The following UBE2H variants were observed in gnomAD, a reference collection of about 807,000 sequenced individuals.
UBE2H encodes ubiquitin-conjugating enzyme E2 H.
Under a neutral mutation model 29.0 loss-of-function variants are expected in UBE2H, and 3 were observed. That is an observed-to-expected ratio of 0.10 (90% confidence interval 0.05 to 0.27). The LOEUF (loss-of-function observed/expected upper bound fraction) is 0.27, where lower values mean the gene tolerates loss of function less well. Among genes scored for constraint, UBE2H ranks in the 10% least tolerant of loss-of-function variants. The pLI is 1.00. For missense variants in UBE2H, 68 were observed against 228.2 expected (o/e 0.30, Z 4.52); for synonymous variants, 69 against 82.9 (o/e 0.83, Z 0.91).
At chr7:129,847,478 C>T (rs1337258173) in intron 5 of UBE2H, among the ~76,000 whole-genome samples, 1 of 152,082 alleles carries the variant, frequency 6.6e-6, no homozygotes, top group Non-Finnish European at 1.5e-5. Context: ...ACAACTACTA[C>T]ACTCCAGCCT....
chr7:129,914,533 C>T (rs2693743), intron 1 of UBE2H, among the ~76,000 whole-genome samples: 146,513 of 152,302 alleles, frequency 0.96, 70,641 homozygotes, highest in East Asian at 1. Context: ...AATAAAAAGA[C>T]CTTTGTAAAT....
chr7:129,949,994 A>G (rs1390681703), intron 1 of UBE2H, among the ~76,000 whole-genome samples: 2 of 152,034 alleles, frequency 1.3e-5, no homozygotes, highest in African/African-American at 4.8e-5. Flanking sequence ...TTTTCACACA[A>G]TTGTACTCAT....
At chr7:129,932,979 A>G (rs1807440899) in intron 1 of UBE2H, among the ~76,000 whole-genome samples, 1 of 152,138 alleles carries the variant, frequency 6.6e-6, no homozygotes, top group Non-Finnish European at 1.5e-5. Flanking sequence ...AAAAACCTAA[A>G]GAGTAAAATT....
At chr7:129,863,304 G>C (rs1367830364) in intron 3 of UBE2H, among the ~76,000 whole-genome samples, 2 of 152,182 alleles carry the variant, frequency 1.3e-5, no homozygotes, top group African/African-American at 4.8e-5. Context: ...CTAGTACAGA[G>C]GGCAGAATCA....
chr7:129,897,756 T>C (rs538050726), intron 1 of UBE2H, among the ~76,000 whole-genome samples: 6 of 152,322 alleles, frequency 3.9e-5, no homozygotes, highest in East Asian at 1.9e-4. Flanking sequence ...GTACCCATTA[T>C]CTGTTGGAAG....
At chr7:129,947,678 A>T (rs1172114788) in intron 1 of UBE2H, among the ~76,000 whole-genome samples, 1 of 152,166 alleles carries the variant, frequency 6.6e-6, no homozygotes, top group African/African-American at 2.4e-5. Flanking sequence ...AGTCCACTCT[A>T]AGTAAATACA....
intron 1 of UBE2H, 42 bp downstream of exon 1, chr7:129,952,461 C>T (rs758767128): frequency 1.9e-6 from 3 of 1,603,982 alleles, no homozygotes; most frequent in Non-Finnish European, 2.6e-6. Flanking sequence ...ATCCCCACAC[C>T]GCCCCCCACA....
intron 1 of UBE2H, among the ~76,000 whole-genome samples, chr7:129,915,050 A>G (rs1015088101): frequency 6.6e-6 from 1 of 152,122 alleles, no homozygotes; most frequent in Non-Finnish European, 1.5e-5. Flanking sequence ...TAAGTTATAG[A>G]CCAAATGACA....
At chr7:129,917,179 C>G (rs1807062925) in intron 1 of UBE2H, among the ~76,000 whole-genome samples, 1 of 152,118 alleles carries the variant, frequency 6.6e-6, no homozygotes, top group Non-Finnish European at 1.5e-5. Flanking sequence ...GGCAACAAAG[C>G]GAGACTCCGT....
chr7:129,944,094 T>C (rs62489376), intron 1 of UBE2H, among the ~76,000 whole-genome samples: 20,621 of 152,158 alleles, frequency 0.14, 1,675 homozygotes, highest in East Asian at 0.31. Context: ...CTGTGGCTCA[T>C]GCCTGTAATC....
chr7:129,870,248 A>C (rs1806001980), intron 3 of UBE2H, among the ~76,000 whole-genome samples: 1 of 152,130 alleles, frequency 6.6e-6, no homozygotes, highest in Non-Finnish European at 1.5e-5. Context: ...CAACTCCAGC[A>C]TCACCAAGCT....
intron 1 of UBE2H, among the ~76,000 whole-genome samples, chr7:129,929,140 G>C (rs577321397): frequency 6.6e-6 from 1 of 152,116 alleles, no homozygotes; most frequent in South Asian, 2.1e-4. Flanking sequence ...ACAACATGGA[G>C]AAACCCCGTC....
chr7:129,872,179 A>G (rs936663632), intron 3 of UBE2H, among the ~76,000 whole-genome samples: 2 of 152,120 alleles, frequency 1.3e-5, no homozygotes, highest in African/African-American at 4.8e-5. Flanking sequence ...ATTTGTGAAA[A>G]TACAGTGGTA....
At chr7:129,922,857 G>A (rs888926267) in intron 1 of UBE2H, among the ~76,000 whole-genome samples, 2 of 151,988 alleles carry the variant, frequency 1.3e-5, no homozygotes, top group African/African-American at 4.8e-5. Context: ...AAGTAGCTGG[G>A]ACTACAAGTG....
rs1280350628 is a variant in UBE2H at position 129,880,956 on chromosome 7, A to G, written c.69T>C (p.His23=). The G allele has an allele frequency of 3.7e-6, 6 of 1,611,304 alleles. No homozygotes were observed. The highest frequency in any genetic ancestry group is 2.2e-5 in the East Asian group (1 of 44,820). ...TAAGTCCTCCCAGGATCGTAACCTC[A>G]TGTTTACTCTCGATGCTAAGGTGGA... ...TDVVKLIESK[H]EVTILGGLNE... is the part of the protein sequence containing the mutation. The change falls in exon 2 of 7, where the codon CAT becomes CAC. Residue 23 remains histidine, a synonymous_variant. Transcript: ENST00000355621.
At chr7:129,843,513 T>C (rs770115072) in intron 5 of UBE2H, among the ~76,000 whole-genome samples, 7 of 152,136 alleles carry the variant, frequency 4.6e-5, no homozygotes, top group Non-Finnish European at 7.4e-5. Flanking sequence ...CCTCTGTTAA[T>C]GGATAAAACA....
chr7:129,880,748 A>G (rs1233636225), intron 2 of UBE2H, 147 bp downstream of exon 2: 17 of 655,536 alleles, frequency 2.6e-5, no homozygotes, highest in Non-Finnish European at 4.1e-5. Context: ...AGTGATTGTG[A>G]TAAGAGAAAG....
At position 129,867,724 on chromosome 7, in the gene UBE2H, C is replaced by CAAAAAAA. The variant is rs1473451530; in HGVS notation, c.206-8790_206-8784dup. The stretch of plus-strand genomic sequence containing the variant: ...TAAAAAAAAAAAAAAAAAAGAAAAC[C>CAAAAAAA]AAAAAAAAAAAAAAAAAAGAAGACC... On this transcript the variant is annotated intron_variant, in intron 3 of 6. Transcript: ENST00000355621. Among the ~76,000 whole-genome samples the CAAAAAAA allele has an allele frequency of 2.8e-3, 87 of 31,160 alleles. 1 individual carries two copies. The highest frequency in any genetic ancestry group is 0.02 in the Middle Eastern group (1 of 50). The allele number at this position is 31,160 out of a possible 152,430, so 20.4% of individuals were successfully genotyped here. A position where few individuals can be genotyped will look rare whatever the true frequency, so the allele number is the denominator to read the frequency against.
In UBE2H at chr7:129,861,857, C is replaced by G. The variant is rs140647605; in HGVS notation, c.206-2916G>C. Among the ~76,000 whole-genome samples, 552 of 152,314 alleles carry G rather than the reference C, an allele frequency of 3.6e-3. 3 individuals carry two copies. Among genetic ancestry groups the G allele is most frequent in the African/African-American group, 0.012 (495 of 41,560 alleles). On this transcript the variant is annotated intron_variant, in intron 3 of 6. Coordinates refer to ENST00000355621, the MANE Select transcript of UBE2H (RefSeq NM_003344.4). ...GAGCCGAGATCATGCCACTGCACTC[C>G]AGCCTGGAAGCCAGAGCTAGACTCC...
Sources: gnomAD v4.1 joint callset for allele counts (sites outside exome capture counted in the v4.1 genomes callset) on GRCh38, gnomAD v4.1.1 for gene constraint, MANE v1.5 for transcripts, NCBI Gene and HGNC (gene_info 2026-07-23, HGNC 2026-07-21) for gene names.